KNOP1: variants seen among roughly 807,000 people sequenced by gnomAD.
KNOP1 encodes lysine rich nucleolar protein 1, also known as lysine-rich nucleolar protein 1.
KNOP1 carries 20 observed loss-of-function variants against 30.6 expected under a neutral mutation model. The ratio of observed to expected loss-of-function variants is 0.65; its 90% CI spans 0.46 to 0.95. The LOEUF (loss-of-function observed/expected upper bound fraction) is 0.95, where lower values mean the gene tolerates loss of function less well. Among genes scored for constraint, KNOP1 ranks in the 40% least tolerant of loss-of-function variants. The pLI is 0.00. For missense variants in KNOP1, 540 were observed against 562.0 expected (o/e 0.96, Z 0.40); for synonymous variants, 204 against 210.0 (o/e 0.97, Z 0.25).
At chr16:19,715,539 CCT>C (rs1247474645) in intron 1 of KNOP1, among the ~76,000 whole-genome samples, 20 of 151,702 alleles carry the variant, frequency 1.3e-4, no homozygotes, top group African/African-American at 4.6e-4. Context: ...CTCAGCCTCC[CCT>C]GAGTAGCTGG....
intron 1 of KNOP1, chr16:19,717,890 G>T: frequency 9.4e-7 from 1 of 1,064,394 alleles, no homozygotes. Context: ...GAGCCAGGAA[G>T]TAAGATCCGT....
rs1190716416 is a variant in KNOP1 at position 19,705,410 on chromosome 16, C to T, written c.*1500G>A. The T allele has an allele frequency of 8.0e-6, 3 of 373,268 alleles. No homozygotes were observed. Among genetic ancestry groups the T allele is most frequent in the African/African-American group, 2.1e-5 (1 of 47,402 alleles). 23.1% of individuals were successfully genotyped at this position (373,268 alleles called of 1,614,324 possible). On this transcript the variant is annotated 3_prime_UTR_variant, in exon 5 of 5. Transcript: ENST00000219837. ...GAAGGTGGTCACAGATGGTCACATG[C>T]GACTTGGGCCACTGGACCTGGAGCT... is the stretch of plus-strand genomic sequence containing the variant.
At chr16:19,716,791 A>G (rs1977126847) in intron 1 of KNOP1, among the ~76,000 whole-genome samples, 1 of 152,176 alleles carries the variant, frequency 6.6e-6, no homozygotes, top group Non-Finnish European at 1.5e-5. Flanking sequence ...ATTACAGTAT[A>G]CTGTTGTAAT....
rs766823461 is a variant in KNOP1, at chr16:19,711,364, G to A, written c.987+8C>T. The A allele has an allele frequency of 6.2e-7, 1 of 1,613,748 alleles. No homozygotes were observed. Among genetic ancestry groups the A allele is most frequent in the Non-Finnish European group, 8.5e-7 (1 of 1,179,902 alleles). ...GCGGGAGGGGCCTGAGGAGGGTCTG[G>A]GCTGTACCTGGTCTATGTGCGCCTC... On this transcript the variant is annotated splice_region_variant and intron_variant, in intron 3 of 4. Coordinates refer to ENST00000219837, the MANE Select transcript of KNOP1 (RefSeq NM_001012991.3).
intron 1 of KNOP1, among the ~76,000 whole-genome samples, chr16:19,717,133 A>G (rs11645910): frequency 0.34 from 52,141 of 152,114 alleles, 13,958 homozygotes; most frequent in African/African-American, 0.75. Flanking sequence ...ATGAGCCACC[A>G]CGCCCGGCCC....
At chr16:19,709,916 G>A (rs1054126165) in intron 4 of KNOP1, among the ~76,000 whole-genome samples, 3 of 152,088 alleles carry the variant, frequency 2.0e-5, no homozygotes, top group East Asian at 1.9e-4. Flanking sequence ...GACCGTGAGC[G>A]CGATGATGGG....
rs1323204033 is a variant in KNOP1 at position 19,714,918 on chromosome 16, C to T, written c.118G>A (p.Asp40Asn). ...SVLNNDDYFA[D>N]VSPLRATSPS... ...GATGTAGCTCTTAAAGGAGAAACATCAGCAAAGTAATCATCATTGTTTAAA... is the reference window on the plus strand; with the variant it reads ...GATGTAGCTCTTAAAGGAGAAACATTAGCAAAGTAATCATCATTGTTTAAA... The change falls in exon 2 of 5, where the codon GAT (aspartate) becomes AAT (asparagine). Residue 40 changes from aspartate (D) to asparagine (N), a missense_variant. Coordinates refer to ENST00000219837, the MANE Select transcript of KNOP1 (RefSeq NM_001012991.3). 6.2e-7 allele frequency: 1 copy of T among 1,613,692 alleles called. No individual in the cohort carries two copies. The highest frequency in any genetic ancestry group is 8.5e-7 in the Non-Finnish European group (1 of 1,179,908).
rs751309837 is a variant in KNOP1, at chr16:19,707,108, G to A, written c.1179C>T (p.Pro393=). 5.5e-5 allele frequency: 89 copies of A among 1,613,966 alleles called. No homozygotes were observed. Among genetic ancestry groups the A allele is most frequent in the Middle Eastern group, 1.6e-4 (1 of 6,078 alleles). Residue 393 remains proline, a synonymous_variant, in exon 5 of 5, where the codon CCC becomes CCT. Transcript: ENST00000219837. ...TGTTGGGCCTTGCAATCGTGCTGGC[G>A]GGGCGGCTGAACGAAGGGGACAGGT... is the stretch of plus-strand genomic sequence containing the variant. The part of the protein sequence containing the change: ...FKNLSPSFSR[P]ASTIARPNMA...
intron 2 of KNOP1, among the ~76,000 whole-genome samples, chr16:19,712,820 C>A (rs1196735380): frequency 6.6e-6 from 1 of 152,232 alleles, no homozygotes; most frequent in African/African-American, 2.4e-5. Context: ...TCCGTGCACA[C>A]ACCTGAGGAC....
At chr16:19,716,220 T>C (rs1482163889) in intron 1 of KNOP1, among the ~76,000 whole-genome samples, 1 of 152,218 alleles carries the variant, frequency 6.6e-6, no homozygotes, top group African/African-American at 2.4e-5. Context: ...GCCTGGCACA[T>C]AGCAGGTGCT....
chr16:19,703,305 C>T lies in KNOP1; in HGVS notation c.*3605G>A, dbSNP rs1476394197. On this transcript the variant is annotated 3_prime_UTR_variant, in exon 5 of 5. Transcript: ENST00000219837. ...CTTCCCTTCCCATCTTCAAAACCAG[C>T]AGTGTCTAGTCAAGTCTTTCTTAAG... 1 of 152,184 alleles carries T rather than the reference C, an allele frequency of 6.6e-6. No individual in the cohort carries two copies. The highest frequency in any genetic ancestry group is 1.5e-5 in the Non-Finnish European group (1 of 68,064). The allele number at this position is 152,184 out of a possible 1,614,324, so 9.4% of individuals were successfully genotyped here.
intron 4 of KNOP1, 82 bp downstream of exon 4, chr16:19,710,427 C>T: frequency 7.3e-7 from 1 of 1,379,152 alleles, no homozygotes; most frequent in East Asian, 2.3e-5. Context: ...TTCTCCTGCT[C>T]CACTCCTCAT....
chr16:19,717,899 G>C (rs755169352), intron 1 of KNOP1: 6 of 1,072,796 alleles, frequency 5.6e-6, no homozygotes, highest in East Asian at 9.2e-5. Flanking sequence ...AGTAAGATCC[G>C]TACCTCCAAG....
chr16:19,709,340 C>G (rs368034971), intron 4 of KNOP1, among the ~76,000 whole-genome samples: 21 of 152,346 alleles, frequency 1.4e-4, no homozygotes, highest in East Asian at 9.7e-4. Flanking sequence ...CCAGACCTTT[C>G]TTCTCGTCTC....
In KNOP1 at chr16:19,705,126, T is replaced by G; in HGVS notation, c.*1784A>C. ...TCTGGAATGTTCTAGGGTCTTGATA[T>G]GCTGCCTGGAACTGTTACTGCCATC... On this transcript the variant is annotated 3_prime_UTR_variant, in exon 5 of 5. Coordinates refer to ENST00000219837, the MANE Select transcript of KNOP1 (RefSeq NM_001012991.3). 2.2e-6 allele frequency: 1 copy of G among 455,842 alleles called. No homozygotes were observed. Among genetic ancestry groups the G allele is most frequent in the South Asian group, 1.5e-5 (1 of 64,520 alleles). 28.2% of individuals were successfully genotyped at this position (455,842 alleles called of 1,614,324 possible).
In KNOP1 at chr16:19,705,399, A is replaced by G. The variant is rs1487188518; in HGVS notation, c.*1511T>C. On this transcript the variant is annotated 3_prime_UTR_variant, in exon 5 of 5. Transcript: ENST00000219837. ...GTGAGTGGAAAGAAGGTGGTCACAG[A>G]TGGTCACATGCGACTTGGGCCACTG... is the stretch of plus-strand genomic sequence containing the variant. The G allele has an allele frequency of 2.6e-6, 1 of 385,600 alleles. No individual in the cohort carries two copies. Among genetic ancestry groups the G allele is most frequent in the African/African-American group, 2.1e-5 (1 of 47,976 alleles). 23.9% of individuals were successfully genotyped at this position (385,600 alleles called of 1,614,324 possible).
intron 2 of KNOP1, among the ~76,000 whole-genome samples, chr16:19,712,413 G>C (rs892975138): frequency 6.6e-6 from 1 of 152,076 alleles, no homozygotes; most frequent in South Asian, 2.1e-4. Flanking sequence ...AGAGAATCTG[G>C]GGTTTATGCT....
Position 19,711,430 on chromosome 16 carries a change from G to C in KNOP1, c.929C>G (p.Thr310Arg), listed in dbSNP as rs747025103. The C allele has an allele frequency of 6.2e-7, 1 of 1,614,088 alleles. No individual in the cohort carries two copies. The highest frequency in any genetic ancestry group is 8.5e-7 in the Non-Finnish European group (1 of 1,180,000). ...AGDPWKEETDTDLEVVLEKKG... is the reference protein window; with the variant it reads ...AGDPWKEETDRDLEVVLEKKG... ...TTTTTCCAACACCACCTCTAAGTCCGTGTCTGTTTCCTGCAGGAGAGGGCA... is the reference window on the plus strand; with the variant it reads ...TTTTTCCAACACCACCTCTAAGTCCCTGTCTGTTTCCTGCAGGAGAGGGCA... The change falls in exon 3 of 5, where the codon ACG (threonine) becomes AGG (arginine). Residue 310 changes from threonine to arginine, a missense_variant. By Grantham distance (71) the Thr-to-Arg change is moderately conservative. Coordinates refer to ENST00000219837, the MANE Select transcript of KNOP1 (RefSeq NM_001012991.3).
At position 19,714,746 on chromosome 16, in the gene KNOP1, G is replaced by A; in HGVS notation, c.290C>T (p.Pro97Leu). 1.2e-6 allele frequency: 2 copies of A among 1,614,082 alleles called. No individual in the cohort carries two copies. Among genetic ancestry groups the A allele is most frequent in the South Asian group, 2.2e-5 (2 of 91,072 alleles). Residue 97 changes from proline to leucine, a missense_variant, in exon 2 of 5, where the codon CCC becomes CTC. Physicochemically the swap from Pro to Leu is moderately conservative, Grantham distance 98. Coordinates refer to ENST00000219837, the MANE Select transcript of KNOP1 (RefSeq NM_001012991.3). ...GCCAAACACCTGCTTCCTGAGGCTG[G>A]GTGACTTCTCTGTCCGTCTAGCAGG... ...TLPARRTEKS[P>L]SLRKQVFGHL...
Sources: allele counts gnomAD v4.1 joint callset (sites outside exome capture counted in the v4.1 genomes callset), GRCh38; gene constraint gnomAD v4.1.1; transcripts MANE v1.5; gene names NCBI Gene and HGNC (gene_info 2026-07-23, HGNC 2026-07-21).